The following TMCO1 variants were observed in gnomAD, a reference collection of about 807,000 sequenced individuals.
TMCO1 encodes transmembrane and coiled-coil domains 1.
In TMCO1, 29 loss-of-function variants were observed where a neutral mutation model predicts 29.3. The observed-to-expected ratio is 0.99, with a 90% CI of 0.74 to 1.35. The LOEUF (loss-of-function observed/expected upper bound fraction) is 1.35, where lower values mean the gene tolerates loss of function less well. TMCO1 is among the 40% of genes most tolerant of loss of function. The pLI is 0.00. For synonymous variants in TMCO1, 80 were observed against 77.1 expected (o/e 1.04, Z -0.20); for missense variants, 173 against 225.5 (o/e 0.77, Z 1.49).
Position 165,752,126 on chromosome 1 carries a change from G to C in TMCO1, c.299C>G (p.Ala100Gly). The change falls in exon 5 of 7, where the codon GCC (alanine) becomes GGC (glycine). Residue 100 changes from alanine (A) to glycine (G), a missense_variant. Ala to Gly is a moderately conservative substitution (Grantham distance 60). Transcript: ENST00000367881. ...CATGGAATTGAACATTCCCATTAGG[G>C]CAGTAAAACAAAAGCCAATAGCAAA... ...SMFAIGFCFT[A>G]LMGMFNSIFD... 6.2e-7 allele frequency: 1 copy of C among 1,613,200 alleles called. No individual in the cohort carries two copies. The highest frequency in any genetic ancestry group is 8.5e-7 in the Non-Finnish European group (1 of 1,179,526).
chr1:165,727,888 A>C lies in TMCO1; in HGVS notation c.*135T>G. On this transcript the variant is annotated 3_prime_UTR_variant, in exon 7 of 7. Transcript: ENST00000367881. ...TGCCATTTTCACTCTAATCATACCCAAAAGGCTTAGAAATAATTCAAAACT... is the reference window on the plus strand; with the variant it reads ...TGCCATTTTCACTCTAATCATACCCCAAAGGCTTAGAAATAATTCAAAACT... 2 of 654,544 alleles carry C rather than the reference A, an allele frequency of 3.1e-6. No individual in the cohort carries two copies. The allele number at this position is 654,544 out of a possible 1,614,324, so 40.5% of individuals were successfully genotyped here.
intron 6 of TMCO1, among the ~76,000 whole-genome samples, chr1:165,733,732 C>A (rs995134746): frequency 6.6e-6 from 1 of 151,994 alleles, no homozygotes; most frequent in African/African-American, 2.4e-5. Context: ...AAATGTAAAA[C>A]AATTATTTTG....
At chr1:165,753,421 C>T (rs1000341271) in intron 4 of TMCO1, among the ~76,000 whole-genome samples, 1 of 130,632 alleles carries the variant, frequency 7.7e-6, no homozygotes, top group Non-Finnish European at 1.5e-5. Flanking sequence ...TGCAGTCAGT[C>T]GAGGTAGAGC....
intron 5 of TMCO1, among the ~76,000 whole-genome samples, chr1:165,747,309 T>C (rs895635798): frequency 2.0e-5 from 3 of 146,992 alleles, no homozygotes; most frequent in Non-Finnish European, 3.0e-5. Context: ...AAGCTACTTA[T>C]AGACAGTAGT....
At chr1:165,758,482 G>T (rs1652278688) in intron 3 of TMCO1, among the ~76,000 whole-genome samples, 1 of 148,490 alleles carries the variant, frequency 6.7e-6, no homozygotes, top group South Asian at 2.1e-4. Flanking sequence ...CTTGAACCCG[G>T]GAGGCAGAGG....
chr1:165,727,419 A>C lies in TMCO1; in HGVS notation c.*604T>G. On this transcript the variant is annotated 3_prime_UTR_variant, in exon 7 of 7. Transcript: ENST00000367881. ...ACCAAGACAACTCTGTATTTTGAGT[A>C]TATGAGTCAAGTATGGCAAAAAGTA... 1 of 454,116 alleles carries C rather than the reference A, an allele frequency of 2.2e-6. No individual in the cohort carries two copies. Among genetic ancestry groups the C allele is most frequent in the South Asian group, 1.6e-5 (1 of 64,468 alleles). 28.1% of individuals were successfully genotyped at this position (454,116 alleles called of 1,614,324 possible). A position where few individuals can be genotyped will look rare whatever the true frequency, so the allele number is the denominator to read the frequency against.
intron 6 of TMCO1, among the ~76,000 whole-genome samples, chr1:165,740,209 T>C (rs1651541104): frequency 6.6e-6 from 1 of 152,076 alleles, no homozygotes; most frequent in Non-Finnish European, 1.5e-5. Flanking sequence ...TACTTATTTA[T>C]TTATTTTTTT....
rs767694399 is a variant in TMCO1 at position 165,727,935 on chromosome 1, G to A, written c.*88C>T. ...AACTAGAAAGAGGCCCAAGTAGTAA[G>A]GCTACCTATGGCTCTTGCTACAAAA... is the stretch of plus-strand genomic sequence containing the variant. On this transcript the variant is annotated 3_prime_UTR_variant, in exon 7 of 7. Transcript: ENST00000367881. The A allele has an allele frequency of 1.0e-6, 1 of 1,003,948 alleles. No homozygotes were observed. The highest frequency in any genetic ancestry group is 1.5e-6 in the Non-Finnish European group (1 of 654,864). 62.2% of individuals were successfully genotyped at this position (1,003,948 alleles called of 1,614,324 possible).
chr1:165,744,511 G>A (rs1010640047), intron 5 of TMCO1, among the ~76,000 whole-genome samples: 2 of 152,096 alleles, frequency 1.3e-5, no homozygotes, highest in Admixed American at 1.3e-4. Flanking sequence ...TCTCTTTCAG[G>A]CTGGGCACGG....
downstream of TMCO1, chr1:165,725,599 C>T (rs1402093418): frequency 2.2e-6 from 1 of 453,860 alleles, no homozygotes; most frequent in African/African-American, 2.0e-5. Flanking sequence ...GGGAAAATAA[C>T]CAAATTATGT....
chr1:165,725,289 T>C (rs1411804574), downstream of TMCO1: 2 of 453,902 alleles, frequency 4.4e-6, no homozygotes, highest in Non-Finnish European at 8.8e-6. Flanking sequence ...AAGGGGGATC[T>C]AGAAGCTCTA....
In TMCO1 at chr1:165,727,226, T is replaced by C; in HGVS notation, c.*797A>G. 2.2e-6 allele frequency: 1 copy of C among 453,818 alleles called. No individual in the cohort carries two copies. The highest frequency in any genetic ancestry group is 4.4e-6 in the Non-Finnish European group (1 of 226,726). 28.1% of individuals were successfully genotyped at this position (453,818 alleles called of 1,614,324 possible). On this transcript the variant is annotated 3_prime_UTR_variant, in exon 7 of 7. Transcript: ENST00000367881. The stretch of plus-strand genomic sequence containing the variant: ...AGATCTAAGAGTGCCCCCACAAGAA[T>C]CTGAGAGACTGTAATAGGATATGAA...
intron 6 of TMCO1, among the ~76,000 whole-genome samples, chr1:165,731,188 C>A (rs748460740): frequency 6.6e-6 from 1 of 152,098 alleles, no homozygotes; most frequent in South Asian, 2.1e-4. Context: ...CATGAGCCAC[C>A]GTACCTGGCC....
intron 3 of TMCO1, among the ~76,000 whole-genome samples, chr1:165,755,396 A>AGAGGCCAT (rs1163246548): frequency 6.6e-6 from 1 of 152,124 alleles, no homozygotes; most frequent in African/African-American, 2.4e-5. Flanking sequence ...CATGAAGAAA[A>AGAGGCCAT]GAGGCCATGT....
downstream of TMCO1, chr1:165,725,024 C>CTATATATATATA (rs140541989): frequency 1.1e-5 from 1 of 90,758 alleles, no homozygotes; most frequent in Non-Finnish European, 2.2e-5. Context: ...CTCTCTCTCT[C>CTATATATATATA]TATATATATA....
intron 6 of TMCO1, among the ~76,000 whole-genome samples, chr1:165,730,952 T>C (rs1571208971): frequency 6.6e-6 from 1 of 151,122 alleles, no homozygotes; most frequent in Non-Finnish European, 1.5e-5. Context: ...CAGGCTGGAG[T>C]GCAGTGGTGC....
chr1:165,736,209 G>A (rs1380133978), intron 6 of TMCO1, among the ~76,000 whole-genome samples: 1 of 152,224 alleles, frequency 6.6e-6, no homozygotes, highest in African/African-American at 2.4e-5. Flanking sequence ...GCCTCTAGAA[G>A]AGTAAGAAAT....
intron 3 of TMCO1, among the ~76,000 whole-genome samples, chr1:165,759,314 T>C (rs995714429): frequency 3.3e-5 from 5 of 152,126 alleles, no homozygotes; most frequent in South Asian, 4.1e-4. Flanking sequence ...ATTCCAAAGC[T>C]AAGAGCAAAA....
In TMCO1 at chr1:165,743,214, A is replaced by G; in HGVS notation, c.421T>C (p.Cys141Arg). The G allele has an allele frequency of 6.2e-7, 1 of 1,614,028 alleles. No homozygotes were observed. The stretch of plus-strand genomic sequence containing the variant: ...AGAATATACAGGAAAATGAAGGAAC[A>G]GTCTGTGGTGTCATCTCCCAGCAGA... ...RNLLGDDTTD[C>R]SFIFLYILCT... The change falls in exon 6 of 7, where the codon TGT becomes CGT. Residue 141 changes from cysteine to arginine, a missense_variant. Cys to Arg is a radical substitution (Grantham distance 180, BLOSUM62 -3). Coordinates refer to ENST00000367881, the MANE Select transcript of TMCO1 (RefSeq NM_019026.6).
Sources: gnomAD v4.1 joint callset for allele counts (sites outside exome capture counted in the v4.1 genomes callset) on GRCh38, gnomAD v4.1.1 for gene constraint, MANE v1.5 for transcripts, NCBI Gene and HGNC (gene_info 2026-07-23, HGNC 2026-07-21) for gene names.